The following COL19A1 variants were observed in gnomAD, a reference collection of about 807,000 sequenced individuals.
The protein encoded by COL19A1 is collagen type XIX alpha 1 chain.
COL19A1 carries 159 observed loss-of-function variants against 190.2 expected under a neutral mutation model. The observed-to-expected ratio is 0.84, with a 90% CI of 0.73 to 0.95. The LOEUF (loss-of-function observed/expected upper bound fraction) is 0.95, where lower values mean the gene tolerates loss of function less well. Among genes scored for constraint, COL19A1 ranks in the 40% least tolerant of loss-of-function variants. The probability of loss-of-function intolerance (pLI) is 0.00; values close to 1 mark genes in which losing one functional copy is unlikely to be tolerated. For synonymous variants in COL19A1, 509 were observed against 458.9 expected (o/e 1.11, Z -1.39); for missense variants, 1,418 against 1,431.9 (o/e 0.99, Z 0.16).
At chr6:69,883,540 A>G (rs1392811963) in intron 2 of COL19A1, among the ~76,000 whole-genome samples, 1 of 152,248 alleles carries the variant, frequency 6.6e-6, no homozygotes, top group Non-Finnish European at 1.5e-5. Flanking sequence ...AGATATGTGC[A>G]TTTTAGCAAA....
intron 27 of COL19A1, among the ~76,000 whole-genome samples, chr6:70,148,200 G>A (rs772736890): frequency 1.3e-5 from 2 of 151,718 alleles, no homozygotes; most frequent in Non-Finnish European, 2.9e-5. Context: ...TTCAGAGAAC[G>A]CGGGGTGGGC....
chr6:70,041,707 TA>T (rs1438104642), intron 14 of COL19A1, among the ~76,000 whole-genome samples: 1 of 152,040 alleles, frequency 6.6e-6, no homozygotes, highest in Admixed American at 6.6e-5. Context: ...AAATCTAGTT[TA>T]AAAAATTATA....
At chr6:70,117,234 G>A (rs1049142929) in intron 16 of COL19A1, among the ~76,000 whole-genome samples, 1 of 152,140 alleles carries the variant, frequency 6.6e-6, no homozygotes, top group Admixed American at 6.5e-5. Flanking sequence ...CAAAAATATT[G>A]CTCTTTAGGC....
chr6:69,990,308 G>A (rs931416860), intron 11 of COL19A1, among the ~76,000 whole-genome samples: 1 of 151,938 alleles, frequency 6.6e-6, no homozygotes, highest in Non-Finnish European at 1.5e-5. Flanking sequence ...TAAATGATAA[G>A]GCTTTTGTTT....
intron 33 of COL19A1, 138 bp downstream of exon 33, chr6:70,156,507 G>A: frequency 9.9e-7 from 1 of 1,012,330 alleles, no homozygotes. Context: ...GAGAGAGAGA[G>A]AGAGAGAAAG....
At chr6:69,889,706 C>T (rs1410950023) in intron 2 of COL19A1, among the ~76,000 whole-genome samples, 13 of 152,172 alleles carry the variant, frequency 8.5e-5, no homozygotes, top group East Asian at 1.9e-4. Flanking sequence ...TCTGTAAAAA[C>T]GCACCAATCA....
chr6:70,180,911 C>T (rs1041685475), intron 44 of COL19A1, among the ~76,000 whole-genome samples: 3 of 152,204 alleles, frequency 2.0e-5, no homozygotes. Flanking sequence ...GTTATTTTCT[C>T]AAATTTCCTC....
chr6:69,971,046 C>T (rs1775394225), intron 11 of COL19A1, among the ~76,000 whole-genome samples: 1 of 151,686 alleles, frequency 6.6e-6, no homozygotes, highest in African/African-American at 2.4e-5. Flanking sequence ...TTACAGTGCT[C>T]GTGAATAACT....
At chr6:70,044,909 T>C (rs1448839859) in intron 14 of COL19A1, among the ~76,000 whole-genome samples, 3 of 152,160 alleles carry the variant, frequency 2.0e-5, no homozygotes, top group Non-Finnish European at 4.4e-5. Flanking sequence ...TTTAAGCTAG[T>C]GAAGTTTATT....
chr6:70,004,866 G>A (rs947347847), intron 11 of COL19A1, among the ~76,000 whole-genome samples: 1 of 145,804 alleles, frequency 6.9e-6, no homozygotes, highest in African/African-American at 2.6e-5. Flanking sequence ...GTCTTGCTCT[G>A]TTGCCGCCCA....
In COL19A1 at chr6:70,080,286, A is replaced by G. The variant is rs578117536; in HGVS notation, c.1224+11810A>G. ...CATGAACAGCGAGCCCAACTTAGGTAAAAGTAGAGAGAAATATAGAAGTAG... is the reference window on the plus strand; with the variant it reads ...CATGAACAGCGAGCCCAACTTAGGTGAAAGTAGAGAGAAATATAGAAGTAG... On this transcript the variant is annotated intron_variant, in intron 15 of 50. Transcript: ENST00000620364. 1.1e-4 allele frequency among the ~76,000 whole-genome samples: 17 copies of G among 152,300 alleles called. No individual in the cohort carries two copies. The South Asian group carries it at 3.5e-3, about 32-fold the overall frequency.
rs1315490176 is a variant in COL19A1 at position 69,895,567 on chromosome 6, A to C, written c.92-3381A>C. Among the ~76,000 whole-genome samples, 7 of 152,146 alleles carry C rather than the reference A, an allele frequency of 4.6e-5. No homozygotes were observed. In the East Asian group the frequency reaches 1.2e-3, roughly 25 times the overall value. ...TCTAGGCCAGAGTCCCTGCTAGAGC[A>C]CTTCCCGCCAGACTGTTCAAATCTC... is the stretch of plus-strand genomic sequence containing the variant. On this transcript the variant is annotated intron_variant, in intron 2 of 50. Coordinates refer to ENST00000620364, the MANE Select transcript of COL19A1 (RefSeq NM_001858.6).
chr6:69,897,287 C>T (rs889662653), intron 2 of COL19A1, among the ~76,000 whole-genome samples: 7 of 152,256 alleles, frequency 4.6e-5, no homozygotes, highest in Middle Eastern at 3.4e-3. Flanking sequence ...GGAGACCATA[C>T]GTTTTGGGTT....
At chr6:69,869,100 G>A (rs1218621556) in intron 1 of COL19A1, among the ~76,000 whole-genome samples, 2 of 151,920 alleles carry the variant, frequency 1.3e-5, no homozygotes, top group African/African-American at 4.8e-5. Flanking sequence ...CCACATTGAG[G>A]ATGTACATCT....
At chr6:70,101,440 G>A (rs893484061) in intron 15 of COL19A1, among the ~76,000 whole-genome samples, 1 of 152,120 alleles carries the variant, frequency 6.6e-6, no homozygotes, top group Non-Finnish European at 1.5e-5. Context: ...CTTGCGATTG[G>A]AATTTAGCTA....
At chr6:70,191,675 A>T (rs189332840) in intron 48 of COL19A1, among the ~76,000 whole-genome samples, 99 of 152,328 alleles carry the variant, frequency 6.5e-4, no homozygotes, top group South Asian at 1.2e-3. Flanking sequence ...ACAGTATCAC[A>T]TGATTTTGAC....
chr6:69,993,371 G>A (rs1443357966), intron 11 of COL19A1, among the ~76,000 whole-genome samples: 1 of 152,036 alleles, frequency 6.6e-6, no homozygotes, highest in Non-Finnish European at 1.5e-5. Flanking sequence ...ATATTTTGTT[G>A]AGAATTTTTG....
intron 14 of COL19A1, 102 bp downstream of exon 14, chr6:70,036,041 A>G: frequency 1.8e-6 from 2 of 1,127,464 alleles, no homozygotes; most frequent in Non-Finnish European, 2.6e-6. Flanking sequence ...CAGAGTTAAG[A>G]ATTGAAGGTG....
intron 19 of COL19A1, among the ~76,000 whole-genome samples, chr6:70,138,498 C>A (rs1313281046): frequency 6.6e-6 from 1 of 152,100 alleles, no homozygotes; most frequent in African/African-American, 2.4e-5. Flanking sequence ...AATGTTTCAT[C>A]TTTGTTTAAA....
Sources: gnomAD v4.1 joint callset for allele counts (sites outside exome capture counted in the v4.1 genomes callset) on GRCh38, gnomAD v4.1.1 for gene constraint, MANE v1.5 for transcripts, NCBI Gene and HGNC (gene_info 2026-07-23, HGNC 2026-07-21) for gene names.